AGR3: variants seen among roughly 807,000 people sequenced by gnomAD.
The protein encoded by AGR3 is anterior gradient protein 3.
In AGR3, 37 loss-of-function variants were observed where a neutral mutation model predicts 24.5. That is an observed-to-expected ratio of 1.51 (90% CI 1.16 to 1.99). The LOEUF (loss-of-function observed/expected upper bound fraction) is 1.99. Ranked by LOEUF, AGR3 falls within the 30% of genes most tolerant of loss-of-function variation. The pLI is 0.00. For missense variants in AGR3, 228 were observed against 191.1 expected (o/e 1.19, Z -1.14); for synonymous variants, 75 against 61.6 (o/e 1.22, Z -1.02).
intron 3 of AGR3, chr7:16,864,250 T>G: frequency 7.7e-7 from 1 of 1,294,706 alleles, no homozygotes; most frequent in Non-Finnish European, 1.1e-6. Flanking sequence ...GCAATCTGAT[T>G]AGCAGGCTGG....
intron 2 of AGR3, among the ~76,000 whole-genome samples, chr7:16,876,498 T>C (rs1292624114): frequency 6.6e-6 from 1 of 152,044 alleles, no homozygotes; most frequent in Non-Finnish European, 1.5e-5. Flanking sequence ...TACTGCCTTC[T>C]CTACTTAACT....
At chr7:16,854,691 A>C (rs1190602840), downstream of AGR3, among the ~76,000 whole-genome samples, 2 of 152,182 alleles carry the variant, frequency 1.3e-5, no homozygotes, top group Non-Finnish European at 2.9e-5. Flanking sequence ...TGGCTTAAAC[A>C]GTCAATTTAT....
chr7:16,860,661 A>G, intron 6 of AGR3, 78 bp from the exon 7 acceptor site: 1 of 977,598 alleles, frequency 1.0e-6, no homozygotes. Context: ...CTTAATTATT[A>G]TTTTATATGT....
At chr7:16,870,683 T>C (rs1224308460) in intron 3 of AGR3, among the ~76,000 whole-genome samples, 4 of 152,120 alleles carry the variant, frequency 2.6e-5, no homozygotes, top group Non-Finnish European at 4.4e-5. Context: ...CTTATAAATA[T>C]TAAATTATTT....
chr7:16,872,257 A>C (rs1464095651), intron 3 of AGR3, among the ~76,000 whole-genome samples: 2 of 152,208 alleles, frequency 1.3e-5, no homozygotes, highest in Non-Finnish European at 2.9e-5. Context: ...ATAAAAACAG[A>C]AACCTAGACC....
chr7:16,881,243 CTT>C (rs1356526215), intron 1 of AGR3, among the ~76,000 whole-genome samples: 1 of 152,122 alleles, frequency 6.6e-6, no homozygotes, highest in African/African-American at 2.4e-5. Flanking sequence ...AATTTCAAGT[CTT>C]TATGTATTAT....
chr7:16,860,334 A>AC, intron 7 of AGR3, 166 bp downstream of exon 7: 1 of 569,614 alleles, frequency 1.8e-6, no homozygotes, highest in African/African-American at 1.9e-5. Flanking sequence ...ATTCTGAGGT[A>AC]CCCCCAAAAT....
At chr7:16,872,520 G>A (rs1366795671) in intron 3 of AGR3, among the ~76,000 whole-genome samples, 3 of 152,110 alleles carry the variant, frequency 2.0e-5, no homozygotes, top group Admixed American at 2.0e-4. Flanking sequence ...GAAAATATAA[G>A]GGAAGCCCTT....
At chr7:16,880,913 G>T (rs1263274530) in intron 1 of AGR3, among the ~76,000 whole-genome samples, 1 of 152,086 alleles carries the variant, frequency 6.6e-6, no homozygotes, top group African/African-American at 2.4e-5. Context: ...CCTGGATCCA[G>T]CAGGCTTCTA....
downstream of AGR3, among the ~76,000 whole-genome samples, chr7:16,854,865 C>T (rs566318049): frequency 3.3e-5 from 5 of 152,312 alleles, no homozygotes; most frequent in African/African-American, 1.2e-4. Flanking sequence ...ACTCTGCTTC[C>T]TGCTCACATG....
intron 2 of AGR3, among the ~76,000 whole-genome samples, chr7:16,874,996 G>T (rs1289402400): frequency 6.6e-6 from 1 of 151,686 alleles, no homozygotes; most frequent in East Asian, 1.9e-4. Flanking sequence ...TGTGCCTGTA[G>T]TCCCAGCTAC....
At chr7:16,859,319 G>C (rs1375930479), downstream of AGR3, 1 of 343,156 alleles carries the variant, frequency 2.9e-6, no homozygotes, top group African/African-American at 2.1e-5. Flanking sequence ...AACTGTATAG[G>C]CACCTCTTAT....
chr7:16,875,519 AT>A (rs1781970521), intron 2 of AGR3, among the ~76,000 whole-genome samples: 2 of 152,102 alleles, frequency 1.3e-5, no homozygotes, highest in African/African-American at 4.8e-5. Context: ...AGTTAATGAT[AT>A]TTGGGTTGTT....
chr7:16,869,630 G>A (rs1282499108), intron 3 of AGR3, among the ~76,000 whole-genome samples: 2 of 151,170 alleles, frequency 1.3e-5, no homozygotes, highest in African/African-American at 4.9e-5. Context: ...GAAAGGCTGA[G>A]GCAGGAGGAT....
rs1310403271 is a variant in AGR3 at position 16,862,615 on chromosome 7, G to C, written c.221C>G (p.Ser74Cys). The change falls in exon 4 of 8, where the codon TCT (serine) becomes TGT (cysteine). Residue 74 changes from serine (S) to cysteine (C), a missense_variant. Ser to Cys is a moderately radical substitution (Grantham distance 112). Coordinates refer to ENST00000310398, the MANE Select transcript of AGR3 (RefSeq NM_176813.5). ...VIHHLEDCQY[S>C]QALKKVFAQN... Reference sequence around the variant, plus strand: ...ATATCAGGGGCTAAAATTACCTTGAGAGTATTGACAATCCTCCAGGTGATG... The same window carrying C: ...ATATCAGGGGCTAAAATTACCTTGACAGTATTGACAATCCTCCAGGTGATG... 11 of 1,524,644 alleles carry C rather than the reference G, an allele frequency of 7.2e-6. No individual in the cohort carries two copies. The highest frequency in any genetic ancestry group is 1.4e-5 in the African/African-American group (1 of 69,276). The allele number at this position is 1,524,644 out of a possible 1,614,324, so 94.4% of individuals were successfully genotyped here. A position where few individuals can be genotyped will look rare whatever the true frequency, so the allele number is the denominator to read the frequency against.
chr7:16,860,676 G>C, intron 6 of AGR3, 93 bp from the exon 7 acceptor site: 1 of 857,666 alleles, frequency 1.2e-6, no homozygotes, highest in Non-Finnish European at 1.9e-6. Flanking sequence ...ATATGTGGGG[G>C]TTATGTGTAC....
chr7:16,867,326 T>A (rs1414355089), intron 3 of AGR3, among the ~76,000 whole-genome samples: 1 of 152,162 alleles, frequency 6.6e-6, no homozygotes, highest in East Asian at 1.9e-4. Flanking sequence ...ATTAAAAAAT[T>A]CCTGTAGTAT....
chr7:16,864,072 A>C (rs1781702153), intron 3 of AGR3, among the ~76,000 whole-genome samples: 1 of 152,198 alleles, frequency 6.6e-6, no homozygotes, highest in South Asian at 2.1e-4. Context: ...TTCAGAGATT[A>C]CTTGAAAGCT....
intron 3 of AGR3, chr7:16,873,386 A>G (rs1448595763): frequency 6.2e-6 from 1 of 160,228 alleles, no homozygotes; most frequent in African/African-American, 2.4e-5. Flanking sequence ...GTAGCTTAAA[A>G]AAAAGTTGTA....
Sources: gnomAD v4.1 joint callset for allele counts (sites outside exome capture counted in the v4.1 genomes callset) on GRCh38, gnomAD v4.1.1 for gene constraint, MANE v1.5 for transcripts, NCBI Gene and HGNC (gene_info 2026-07-23, HGNC 2026-07-21) for gene names.